RALGAPA2: variants seen among roughly 807,000 people sequenced by gnomAD.
The protein encoded by RALGAPA2 is Ral GTPase activating protein catalytic subunit alpha 2, also known as ral GTPase-activating protein subunit alpha-2.
In RALGAPA2, 139 loss-of-function variants were observed where a neutral mutation model predicts 230.4. The ratio of observed to expected loss-of-function variants is 0.60; its 90% confidence interval spans 0.53 to 0.69. RALGAPA2 has a LOEUF of 0.69. RALGAPA2 is among the 30% of genes least tolerant of loss of function. The pLI is 0.00. For missense variants in RALGAPA2, 2,163 were observed against 2,276.0 expected (o/e 0.95, Z 1.01); for synonymous variants, 847 against 837.8 (o/e 1.01, Z -0.19).
chr20:20,479,006 T>C (rs1483810332), intron 36 of RALGAPA2, among the ~76,000 whole-genome samples: 1 of 152,050 alleles, frequency 6.6e-6, no homozygotes, highest in Non-Finnish European at 1.5e-5. Context: ...AAAATATACG[T>C]AGCTTTATGC....
chr20:20,472,678 A>G (rs2061565749), intron 37 of RALGAPA2, 151 bp downstream of exon 37: 3 of 659,284 alleles, frequency 4.6e-6, no homozygotes, highest in African/African-American at 3.7e-5. Flanking sequence ...AACAAATGCT[A>G]TGAAAAACCA....
chr20:20,569,601 T>C (rs2145904189), intron 23 of RALGAPA2, among the ~76,000 whole-genome samples: 1 of 152,286 alleles, frequency 6.6e-6, no homozygotes, highest in South Asian at 2.1e-4. Flanking sequence ...ATTTGGAAAT[T>C]CTTTTGTCTA....
In RALGAPA2 at chr20:20,605,199, T is replaced by C. The variant is rs771335992; in HGVS notation, c.2014A>G (p.Lys672Glu). ...CCTTTGCCTCGTTGCTTCTTTTCCT[T>C]TTGTTCACTTAATTTATCCAGAGGT... The part of the protein sequence containing the change: ...NLPLDKLSEQ[K>E]EKKQRGKGCV... Residue 672 changes from lysine to glutamate, a missense_variant, in exon 15 of 40, where the codon AAG becomes GAG. Lys to Glu is a moderately conservative substitution (Grantham distance 56, BLOSUM62 1). Transcript: ENST00000202677. The C allele has an allele frequency of 6.2e-7, 1 of 1,612,010 alleles. No homozygotes were observed. The highest frequency in any genetic ancestry group is 8.5e-7 in the Non-Finnish European group (1 of 1,178,536).
At chr20:20,466,388 A>C (rs1308167894) in intron 37 of RALGAPA2, among the ~76,000 whole-genome samples, 1 of 152,088 alleles carries the variant, frequency 6.6e-6, no homozygotes, top group Non-Finnish European at 1.5e-5. Context: ...TGGTCTGCCC[A>C]CTCTGGTTTT....
At chr20:20,509,543 G>A (rs76106767) in intron 33 of RALGAPA2, among the ~76,000 whole-genome samples, 5,472 of 152,262 alleles carry the variant, frequency 0.036, 121 homozygotes, top group South Asian at 0.06. Flanking sequence ...CTTCTGCAGA[G>A]GGAATCAGGT....
intron 36 of RALGAPA2, among the ~76,000 whole-genome samples, chr20:20,483,782 A>G (rs769061529): frequency 6.6e-6 from 1 of 152,218 alleles, no homozygotes; most frequent in Non-Finnish European, 1.5e-5. Context: ...ATCTCAGACA[A>G]TCAAGAAGTT....
At chr20:20,696,831 C>G (rs1463319947) in intron 1 of RALGAPA2, among the ~76,000 whole-genome samples, 2 of 152,174 alleles carry the variant, frequency 1.3e-5, no homozygotes, top group African/African-American at 4.8e-5. Context: ...TAAGCATACA[C>G]ATACCCTTAT....
chr20:20,640,835 G>C lies in RALGAPA2; in HGVS notation c.416C>G (p.Ala139Gly). Residue 139 changes from alanine (A) to glycine (G), a missense_variant, in exon 6 of 40, where the codon GCA becomes GGA. Physicochemically the swap from Ala to Gly is moderately conservative, Grantham distance 60 (BLOSUM62 0). Coordinates refer to ENST00000202677, the MANE Select transcript of RALGAPA2 (RefSeq NM_020343.4). ...CTCTTCTGCACAGTTTGTCTGAAGT[G>C]CTTGAAGCCACAGAAGAAACAGCCT... ...GIRLFLLWLQ[A>G]LQTNCAEEQV... 6.2e-7 allele frequency: 1 copy of C among 1,613,702 alleles called. No homozygotes were observed. Among genetic ancestry groups the C allele is most frequent in the African/African-American group, 1.3e-5 (1 of 75,062 alleles).
intron 16 of RALGAPA2, among the ~76,000 whole-genome samples, chr20:20,594,397 TAGC>T (rs1385728967): frequency 3.9e-5 from 6 of 152,158 alleles, no homozygotes; most frequent in Admixed American, 3.9e-4. Context: ...GGTTAGCTGT[TAGC>T]AGTTGCTCTT....
chr20:20,619,715 C>T (rs999277143), intron 11 of RALGAPA2, among the ~76,000 whole-genome samples: 5 of 152,094 alleles, frequency 3.3e-5, no homozygotes, highest in Admixed American at 6.6e-5. Flanking sequence ...AATTTGCTTA[C>T]CTATTCATTT....
intron 27 of RALGAPA2, among the ~76,000 whole-genome samples, chr20:20,527,379 G>A: frequency 6.6e-6 from 1 of 152,102 alleles, no homozygotes; most frequent in Non-Finnish European, 1.5e-5. Context: ...AGCCTTCTCT[G>A]GCCACAGAGA....
chr20:20,701,892 T>C (rs574507446), intron 1 of RALGAPA2, among the ~76,000 whole-genome samples: 2 of 149,524 alleles, frequency 1.3e-5, no homozygotes, highest in Admixed American at 1.3e-4. Flanking sequence ...ATACAAAAAT[T>C]AGCCAGGCGC....
intron 38 of RALGAPA2, among the ~76,000 whole-genome samples, chr20:20,400,661 G>A (rs1223721197): frequency 6.6e-6 from 1 of 152,130 alleles, no homozygotes; most frequent in African/African-American, 2.4e-5. Flanking sequence ...GATTTCCGCT[G>A]CATCTTAGCC....
chr20:20,545,325 T>C (rs1289813425), intron 24 of RALGAPA2, among the ~76,000 whole-genome samples: 1 of 152,014 alleles, frequency 6.6e-6, no homozygotes, highest in African/African-American at 2.4e-5. Context: ...GCTTCCTGAG[T>C]CTCCTATAGC....
chr20:20,628,760 C>T (rs2066573573), intron 10 of RALGAPA2, among the ~76,000 whole-genome samples: 4 of 152,210 alleles, frequency 2.6e-5, no homozygotes, highest in South Asian at 4.1e-4. Flanking sequence ...CCTCTGATGT[C>T]ACTCACGGCC....
chr20:20,512,331 CATA>C (rs2062737847), intron 32 of RALGAPA2, among the ~76,000 whole-genome samples, 179 bp downstream of exon 32: 2 of 152,096 alleles, frequency 1.3e-5, no homozygotes, highest in Admixed American at 1.3e-4. Flanking sequence ...ACCAGTACAG[CATA>C]ATTTCATTTC....
At chr20:20,589,724 G>A (rs1602965468) in intron 17 of RALGAPA2, among the ~76,000 whole-genome samples, 3 of 152,214 alleles carry the variant, frequency 2.0e-5, no homozygotes, top group Admixed American at 2.0e-4. Flanking sequence ...ACAGGAAGAA[G>A]AGAGCAGTAA....
intron 37 of RALGAPA2, among the ~76,000 whole-genome samples, chr20:20,461,300 A>C (rs1211016084): frequency 1.3e-5 from 2 of 152,218 alleles, no homozygotes; most frequent in African/African-American, 4.8e-5. Context: ...TTATATGAAA[A>C]TACTCCTTAA....
chr20:20,592,686 T>C (rs976913798), intron 16 of RALGAPA2, among the ~76,000 whole-genome samples: 3 of 152,230 alleles, frequency 2.0e-5, no homozygotes, highest in African/African-American at 7.2e-5. Flanking sequence ...GTTTGTCACC[T>C]GAAATGGAAA....
Sources: allele counts gnomAD v4.1 joint callset (sites outside exome capture counted in the v4.1 genomes callset), GRCh38; gene constraint gnomAD v4.1.1; transcripts MANE v1.5; gene names NCBI Gene and HGNC (gene_info 2026-07-23, HGNC 2026-07-21).